MCCC1: variants seen among roughly 807,000 people sequenced by gnomAD.
The protein encoded by MCCC1 is methylcrotonyl-CoA carboxylase subunit 1, also known as methylcrotonoyl-CoA carboxylase subunit alpha, mitochondrial.
Under a neutral mutation model 83.8 loss-of-function variants are expected in MCCC1, and 64 were observed. That is an observed-to-expected ratio of 0.76 (90% CI 0.62 to 0.94). MCCC1 has a LOEUF of 0.94. Ranked by LOEUF, MCCC1 falls within the 40% of genes least tolerant of loss-of-function variation. The probability of loss-of-function intolerance (pLI) is 0.00; values close to 1 mark genes in which losing one functional copy is unlikely to be tolerated. For synonymous variants in MCCC1, 322 were observed against 315.4 expected (o/e 1.02, Z -0.22); for missense variants, 807 against 904.7 (o/e 0.89, Z 1.39).
chr3:183,039,801 T>C (rs529451545), intron 11 of MCCC1, among the ~76,000 whole-genome samples: 29 of 151,984 alleles, frequency 1.9e-4, no homozygotes, highest in Non-Finnish European at 3.4e-4. Context: ...AGAGTCCTCG[T>C]TGATAAGATT....
At chr3:183,021,026 C>A (rs1460770086) in intron 16 of MCCC1, among the ~76,000 whole-genome samples, 1 of 152,174 alleles carries the variant, frequency 6.6e-6, no homozygotes, top group African/African-American at 2.4e-5. Context: ...CACCACTGCA[C>A]TCCAACCTGG....
rs959082538 is a variant in MCCC1 at position 183,051,995 on chromosome 3, A to G, written c.955+164T>C. 2.0e-5 allele frequency among the ~76,000 whole-genome samples: 3 copies of G among 152,264 alleles called. No homozygotes were observed. In the South Asian group the frequency reaches 6.2e-4, roughly 31 times the overall value. On this transcript the variant is annotated intron_variant, in intron 9 of 18. Coordinates refer to ENST00000265594, the MANE Select transcript of MCCC1 (RefSeq NM_020166.5). ...AATATATATGTATGTAAAAATAAACATTTATGTGTACATACTAAGTCTCAA... is the reference window on the plus strand; with the variant it reads ...AATATATATGTATGTAAAAATAAACGTTTATGTGTACATACTAAGTCTCAA...
intron 14 of MCCC1, among the ~76,000 whole-genome samples, chr3:183,030,551 T>C (rs915476442): frequency 1.3e-5 from 2 of 152,206 alleles, no homozygotes; most frequent in African/African-American, 4.8e-5. Context: ...ACACCCACTA[T>C]GATTCTCTCC....
intron 15 of MCCC1, among the ~76,000 whole-genome samples, chr3:183,025,273 G>A (rs1314630616): frequency 1.3e-5 from 2 of 152,180 alleles, no homozygotes; most frequent in African/African-American, 4.8e-5. Flanking sequence ...AATGCAAATG[G>A]TTAAAATGGT....
At chr3:183,020,875 T>A (rs766456395) in intron 16 of MCCC1, among the ~76,000 whole-genome samples, 5 of 152,018 alleles carry the variant, frequency 3.3e-5, no homozygotes, top group Admixed American at 2.6e-4. Flanking sequence ...CTGGCTAACA[T>A]GGTGAAACCC....
At chr3:183,105,082 C>T (rs555760474) in intron 1 of MCCC1, among the ~76,000 whole-genome samples, 36 of 152,290 alleles carry the variant, frequency 2.4e-4, no homozygotes, top group Non-Finnish European at 3.5e-4. Flanking sequence ...TGGTGGCTCA[C>T]GCCTGTAATC....
At chr3:183,043,929 G>A (rs988079838) in intron 10 of MCCC1, among the ~76,000 whole-genome samples, 3 of 152,054 alleles carry the variant, frequency 2.0e-5, no homozygotes, top group Non-Finnish European at 4.4e-5. Context: ...CCTTCCAGAA[G>A]TTTCCAAAGC....
intron 12 of MCCC1, 32 bp from the exon 13 acceptor site, chr3:183,037,466 G>A (rs771344009): frequency 1.3e-6 from 2 of 1,522,678 alleles, no homozygotes; most frequent in Non-Finnish European, 1.8e-6. Context: ...AGTTCCTGCT[G>A]AGTGGGGAAA....
chr3:183,101,960 C>T (rs1330375920), upstream of MCCC1, among the ~76,000 whole-genome samples: 1 of 152,056 alleles, frequency 6.6e-6, no homozygotes, highest in Non-Finnish European at 1.5e-5. Flanking sequence ...CACGAACCCA[C>T]CAGAAGGAAG....
chr3:183,025,262 G>A (rs1356250633), intron 15 of MCCC1, among the ~76,000 whole-genome samples: 3 of 152,198 alleles, frequency 2.0e-5, no homozygotes, highest in Non-Finnish European at 4.4e-5. Context: ...TGAATGCACT[G>A]AATGCAAATG....
intron 3 of MCCC1, among the ~76,000 whole-genome samples, chr3:183,089,270 C>A (rs1247326942): frequency 6.6e-6 from 1 of 152,034 alleles, no homozygotes; most frequent in Non-Finnish European, 1.5e-5. Flanking sequence ...GGCTGAAAAG[C>A]AGAAAATAGA....
chr3:183,034,454 C>CAAAAAA lies in MCCC1; in HGVS notation c.1595-383_1595-378dup, dbSNP rs1281645615. Among the ~76,000 whole-genome samples the CAAAAAA allele has an allele frequency of 1.8e-4, 9 of 50,954 alleles. 3 individuals are homozygous for CAAAAAA. Among genetic ancestry groups the CAAAAAA allele is most frequent in the African/African-American group, 1.9e-4 (3 of 15,846 alleles). 33.4% of individuals were successfully genotyped at this position (50,954 alleles called of 152,430 possible). A position where few individuals can be genotyped will look rare whatever the true frequency, so the allele number is the denominator to read the frequency against. On this transcript the variant is annotated intron_variant, in intron 13 of 18. Coordinates refer to ENST00000265594, the MANE Select transcript of MCCC1 (RefSeq NM_020166.5). ...TGGGCGACAGAGCAAGACTCCGTCT[C>CAAAAAA]AAAAAAAAAAAAAAACAAAAAAACA... is the stretch of plus-strand genomic sequence containing the variant.
At position 183,070,735 on chromosome 3, in the gene MCCC1, A is replaced by G. The variant is rs76056860; in HGVS notation, c.761+264T>C. Among the ~76,000 whole-genome samples, 26 of 2,586 alleles carry G rather than the reference A, an allele frequency of 0.01. No individual in the cohort carries two copies. The South Asian group carries it at 0.18, about 18-fold the overall frequency. 1.7% of individuals were successfully genotyped at this position (2,586 alleles called of 152,430 possible). A position where few individuals can be genotyped will look rare whatever the true frequency, so the allele number is the denominator to read the frequency against. ...GCAACTGAATGAGAGACTCCGTCCA[A>G]AAAAAAAAAAAAATTCTATTCACTG... On this transcript the variant is annotated intron_variant, in intron 7 of 18. Transcript: ENST00000265594.
intron 13 of MCCC1, among the ~76,000 whole-genome samples, chr3:183,034,456 AAAAAAAAAAAAAAC>A (rs1222888067): frequency 6.7e-6 from 1 of 149,402 alleles, no homozygotes; most frequent in Non-Finnish European, 1.5e-5. Context: ...CTCCGTCTCA[AAAAAAAAAAAAAAC>A]AAAAAAACAC....
In MCCC1 at chr3:183,108,096, A is replaced by C. The variant is rs542495793; in HGVS notation, c.-102+7378T>G. 1.1e-4 allele frequency among the ~76,000 whole-genome samples: 16 copies of C among 152,292 alleles called. 1 individual carries two copies. In the South Asian group the frequency reaches 3.3e-3, roughly 32 times the overall value. ...AATAAAGCTGCATAAGCTTGTTTGT[A>C]TTGGCTTAATGTTATTACGCTGACA... is the stretch of plus-strand genomic sequence containing the variant. On this transcript the variant is annotated intron_variant, in intron 1 of 17. Transcript: ENST00000492597.
At chr3:183,109,927 C>A (rs1349389032) in intron 1 of MCCC1, among the ~76,000 whole-genome samples, 6 of 152,068 alleles carry the variant, frequency 3.9e-5, no homozygotes, top group Non-Finnish European at 8.8e-5. Flanking sequence ...ATGTTTTTGA[C>A]TTTTTAATAA....
At chr3:183,107,524 ATTAT>A (rs1302128253) in intron 1 of MCCC1, among the ~76,000 whole-genome samples, 1 of 150,586 alleles carries the variant, frequency 6.6e-6, no homozygotes, top group Non-Finnish European at 1.5e-5. Flanking sequence ...TATTATTATT[ATTAT>A]TATTATTTGT....
Position 183,015,235 on chromosome 3 carries a change from AT to A in MCCC1, c.*202del. 1.6e-6 allele frequency: 1 copy of A among 619,104 alleles called. No individual in the cohort carries two copies. The highest frequency in any genetic ancestry group is 2.8e-6 in the Non-Finnish European group (1 of 354,108). The allele number at this position is 619,104 out of a possible 1,614,324, so 38.4% of individuals were successfully genotyped here. A position where few individuals can be genotyped will look rare whatever the true frequency, so the allele number is the denominator to read the frequency against. On this transcript the variant is annotated 3_prime_UTR_variant, in exon 19 of 19. Transcript: ENST00000265594. ...AACAAACATTGGCTTCCAATAAAAA[AT>A]AATTCAACTTTATTAGTATGAAATA... is the stretch of plus-strand genomic sequence containing the variant.
rs140342772 is a variant in MCCC1 at position 183,071,197 on chromosome 3, T to C, written c.639+13A>G. On this transcript the variant is annotated intron_variant, in intron 6 of 18. Coordinates refer to ENST00000265594, the MANE Select transcript of MCCC1 (RefSeq NM_020166.5). ...AAGCCTGAATTGGCAAACACAAGCATGCACAATCTTACTTTTCCTCCTCCA... is the reference window on the plus strand; with the variant it reads ...AAGCCTGAATTGGCAAACACAAGCACGCACAATCTTACTTTTCCTCCTCCA... 315 of 1,614,204 alleles carry C rather than the reference T, an allele frequency of 2.0e-4. No homozygotes were observed. In the African/African-American group the frequency reaches 3.8e-3, roughly 19 times the overall value.
Sources: gnomAD v4.1 joint callset for allele counts (sites outside exome capture counted in the v4.1 genomes callset) on GRCh38, gnomAD v4.1.1 for gene constraint, MANE v1.5 for transcripts, NCBI Gene and HGNC (gene_info 2026-07-23, HGNC 2026-07-21) for gene names.